The following CMIP variants were observed in gnomAD, a reference collection of about 807,000 sequenced individuals.
CMIP encodes the protein c-Maf inducing protein, also known as C-Maf-inducing protein.
Under a neutral mutation model 97.3 loss-of-function variants are expected in CMIP, and 13 were observed. That is an observed-to-expected ratio of 0.13 (90% CI 0.09 to 0.21). CMIP has a LOEUF of 0.21. Ranked by LOEUF, CMIP falls within the 10% of genes least tolerant of loss-of-function variation. The pLI is 1.00. For synonymous variants in CMIP, 538 were observed against 436.3 expected, an observed-to-expected ratio of 1.23 and a Z score of -2.91; for missense variants, 847 against 1,024.9, an observed-to-expected ratio of 0.83 and a Z score of 2.37.
chr16:81,502,339 A>G (rs2089628429), intron 1 of CMIP, among the ~76,000 whole-genome samples: 1 of 152,228 alleles, frequency 6.6e-6, no homozygotes, highest in East Asian at 1.9e-4. Context: ...GCTTCATTTC[A>G]TTCATAGATT....
intron 1 of CMIP, among the ~76,000 whole-genome samples, chr16:81,474,144 C>T (rs891379540): frequency 6.6e-6 from 1 of 152,172 alleles, no homozygotes; most frequent in South Asian, 2.1e-4. Flanking sequence ...TCCACTCCCC[C>T]AGCCTCCTAG....
intron 1 of CMIP, among the ~76,000 whole-genome samples, chr16:81,588,687 A>C (rs1010426319): frequency 6.6e-6 from 1 of 151,882 alleles, no homozygotes; most frequent in Non-Finnish European, 1.5e-5. Context: ...TATTTCACTT[A>C]TTTGTCTTTT....
At chr16:81,647,505 C>T (rs1187151759) in intron 3 of CMIP, among the ~76,000 whole-genome samples, 1 of 152,150 alleles carries the variant, frequency 6.6e-6, no homozygotes, top group Non-Finnish European at 1.5e-5. Flanking sequence ...AGGTCGTGTG[C>T]CCAGCCACAG....
intron 3 of CMIP, chr16:81,645,307 G>T (rs563430207): frequency 1.6e-6 from 2 of 1,225,288 alleles, no homozygotes; most frequent in African/African-American, 3.1e-5. Flanking sequence ...GGGCGCGCCC[G>T]TGCAGCGTCC....
At chr16:81,552,774 G>A (rs1485800741) in intron 1 of CMIP, among the ~76,000 whole-genome samples, 1 of 152,154 alleles carries the variant, frequency 6.6e-6, no homozygotes, top group African/African-American at 2.4e-5. Flanking sequence ...CTACCACCAG[G>A]GGCCATCCTT....
intron 3 of CMIP, among the ~76,000 whole-genome samples, chr16:81,650,448 G>A (rs2151003587): frequency 6.6e-6 from 1 of 152,278 alleles, no homozygotes; most frequent in South Asian, 2.1e-4. Context: ...GCAGAGAGAG[G>A]AGAAGGGAGA....
intron 1 of CMIP, among the ~76,000 whole-genome samples, chr16:81,591,520 C>T (rs1305867668): frequency 6.6e-6 from 1 of 152,158 alleles, no homozygotes; most frequent in Non-Finnish European, 1.5e-5. Flanking sequence ...CAGGTGCACA[C>T]AGCCACATGG....
At chr16:81,513,502 A>G (rs2150794320) in intron 1 of CMIP, among the ~76,000 whole-genome samples, 1 of 152,350 alleles carries the variant, frequency 6.6e-6, no homozygotes, top group Non-Finnish European at 1.5e-5. Flanking sequence ...CCAGTTTGCA[A>G]ATAGAGCTGG....
chr16:81,521,002 C>T (rs905831244), intron 1 of CMIP, among the ~76,000 whole-genome samples: 6 of 152,198 alleles, frequency 3.9e-5, no homozygotes, highest in Admixed American at 6.5e-5. Flanking sequence ...AAGGACCCCC[C>T]GCCCCCTGGG....
intron 10 of CMIP, among the ~76,000 whole-genome samples, chr16:81,686,408 C>T (rs1235884635): frequency 6.6e-6 from 1 of 152,224 alleles, no homozygotes; most frequent in African/African-American, 2.4e-5. Flanking sequence ...GCCTTCCGCA[C>T]TCAAGCACTG....
intron 1 of CMIP, among the ~76,000 whole-genome samples, chr16:81,559,578 C>G (rs144489404): frequency 2.3e-4 from 35 of 152,320 alleles, no homozygotes; most frequent in Middle Eastern, 3.4e-3. Flanking sequence ...TTCCTGTCAC[C>G]TACTCATGCC....
At chr16:81,669,966 A>T (rs553223064) in intron 7 of CMIP, among the ~76,000 whole-genome samples, 176 bp from the exon 8 acceptor site, 3 of 152,182 alleles carry the variant, frequency 2.0e-5, no homozygotes, top group African/African-American at 7.2e-5. Context: ...TCGCAGTGCT[A>T]TTCTTTGAAG....
chr16:81,685,963 C>T (rs982765450), intron 10 of CMIP, among the ~76,000 whole-genome samples: 1 of 152,194 alleles, frequency 6.6e-6, no homozygotes, highest in Non-Finnish European at 1.5e-5. Context: ...AGCACAGACA[C>T]TGGGGCCAGG....
chr16:81,709,594 C>T (rs761337815), intron 20 of CMIP, among the ~76,000 whole-genome samples, 152 bp from the exon 21 acceptor site: 3 of 152,254 alleles, frequency 2.0e-5, no homozygotes, highest in African/African-American at 4.8e-5. Context: ...CCTAAGGCCA[C>T]CCACCCCTCC....
chr16:81,574,180 C>A (rs1386884948), intron 1 of CMIP, among the ~76,000 whole-genome samples: 1 of 152,256 alleles, frequency 6.6e-6, no homozygotes, highest in Non-Finnish European at 1.5e-5. Context: ...TTGGGCCGCG[C>A]TAGTCTGGAG....
intron 13 of CMIP, chr16:81,696,272 C>G (rs953145624): frequency 5.6e-5 from 28 of 500,670 alleles, no homozygotes; most frequent in Non-Finnish European, 9.3e-5. Flanking sequence ...GCTGCAGCCA[C>G]AGGCCCGCTT....
chr16:81,628,587 G>A lies in CMIP; in HGVS notation c.477+7661G>A, dbSNP rs1597165575. 2.6e-5 allele frequency among the ~76,000 whole-genome samples: 4 copies of A among 152,322 alleles called. No homozygotes were observed. The East Asian group carries it at 7.7e-4, about 29-fold the overall frequency. On this transcript the variant is annotated intron_variant, in intron 3 of 20. Transcript: ENST00000537098. ...ACACAGCTGTTCAATGGCTTAGATG[G>A]GATTTGAACAGAAGTCTGAGTGAGT...
At chr16:81,585,665 C>A (rs958028265) in intron 1 of CMIP, among the ~76,000 whole-genome samples, 40 of 127,370 alleles carry the variant, frequency 3.1e-4, no homozygotes, top group Non-Finnish European at 3.6e-5. Flanking sequence ...ACGGCAGACA[C>A]CGCATGGCAC....
At chr16:81,562,908 G>T in intron 1 of CMIP, among the ~76,000 whole-genome samples, 1 of 152,236 alleles carries the variant, frequency 6.6e-6, no homozygotes, top group East Asian at 1.9e-4. Context: ...CAAAGCCCTT[G>T]CCCTTGTCTG....
Sources: gnomAD v4.1 joint callset for allele counts (sites outside exome capture counted in the v4.1 genomes callset) on GRCh38, gnomAD v4.1.1 for gene constraint, MANE v1.5 for transcripts, NCBI Gene and HGNC (gene_info 2026-07-23, HGNC 2026-07-21) for gene names.